Variants in RAPGEF1 observed in about 807,000 individuals in gnomAD.
RAPGEF1 encodes Rap guanine nucleotide exchange factor 1.
RAPGEF1 carries 33 observed loss-of-function variants against 143.3 expected under a neutral mutation model. That is an observed-to-expected ratio of 0.23 (90% CI 0.17 to 0.31). RAPGEF1 has a LOEUF of 0.31. Ranked by LOEUF, RAPGEF1 falls within the 10% of genes least tolerant of loss-of-function variation. The pLI is 1.00. For synonymous variants in RAPGEF1, 629 were observed against 676.5 expected (o/e 0.93, Z 1.09); for missense variants, 1,199 against 1,645.4 (o/e 0.73, Z 4.69).
chr9:131,670,761 T>A (rs1479231187), intron 1 of RAPGEF1, among the ~76,000 whole-genome samples: 1 of 152,212 alleles, frequency 6.6e-6, no homozygotes, highest in East Asian at 1.9e-4. Context: ...ACACTATTTT[T>A]AAACAACCCC....
chr9:131,642,660 C>G (rs998089725), intron 4 of RAPGEF1, among the ~76,000 whole-genome samples: 4 of 152,210 alleles, frequency 2.6e-5, no homozygotes, highest in Admixed American at 6.5e-5. Flanking sequence ...TCCCTTCTCT[C>G]TCTCCCAGCT....
intron 1 of RAPGEF1, among the ~76,000 whole-genome samples, chr9:131,699,732 C>A (rs948657423): frequency 6.6e-6 from 1 of 152,176 alleles, no homozygotes; most frequent in African/African-American, 2.4e-5. Flanking sequence ...CCCCTACCTT[C>A]CTGGAAGGTC....
At chr9:131,726,240 A>C (rs1412857788) in intron 1 of RAPGEF1, among the ~76,000 whole-genome samples, 2 of 152,184 alleles carry the variant, frequency 1.3e-5, no homozygotes, top group Non-Finnish European at 2.9e-5. Flanking sequence ...ACGAGTCTCA[A>C]AGTCAGTACA....
intron 1 of RAPGEF1, among the ~76,000 whole-genome samples, chr9:131,654,338 C>A (rs777355585): frequency 4.6e-5 from 7 of 152,192 alleles, no homozygotes; most frequent in Non-Finnish European, 8.8e-5. Context: ...AGTCTTCCTT[C>A]ATCTCAGCAT....
Position 131,716,665 on chromosome 9 carries a change from C to CG in RAPGEF1, c.61+23104dup, listed in dbSNP as rs1564197348. On this transcript the variant is annotated intron_variant, in intron 1 of 26. Coordinates refer to ENST00000683357, the MANE Select transcript of RAPGEF1 (RefSeq NM_001377935.1). ...ATGTGTGTCTGTAGTCACAGCTACT[C>CG]GGGGGGCTGAGGTGAGAGAATGGCT... is the stretch of plus-strand genomic sequence containing the variant. Among the ~76,000 whole-genome samples, 5 of 152,214 alleles carry CG rather than the reference C, an allele frequency of 3.3e-5. No individual in the cohort carries two copies. The South Asian group carries it at 6.2e-4, about 19-fold the overall frequency.
chr9:131,599,399 G>T (rs570677556), intron 15 of RAPGEF1, among the ~76,000 whole-genome samples: 133 of 150,136 alleles, frequency 8.9e-4, no homozygotes, highest in Non-Finnish European at 1.7e-3. Flanking sequence ...AAGATTATAA[G>T]CATGAGCCAC....
chr9:131,651,073 G>T (rs1465990301), intron 1 of RAPGEF1, 124 bp from the exon 2 acceptor site: 2 of 1,230,538 alleles, frequency 1.6e-6, no homozygotes, highest in Non-Finnish European at 2.2e-6. Flanking sequence ...AGAGTTTCAA[G>T]GGAAAGGACG....
At chr9:131,600,287 C>G (rs1956055599) in intron 15 of RAPGEF1, among the ~76,000 whole-genome samples, 2 of 152,222 alleles carry the variant, frequency 1.3e-5, no homozygotes, top group South Asian at 4.1e-4. Context: ...AAGTGTTCAT[C>G]CTTCTCTTTC....
At chr9:131,624,908 G>C (rs1457907752) in intron 10 of RAPGEF1, among the ~76,000 whole-genome samples, 1 of 152,248 alleles carries the variant, frequency 6.6e-6, no homozygotes, top group Admixed American at 6.5e-5. Context: ...AGGAGCTGGG[G>C]ATACATGACA....
chr9:131,675,488 C>G lies in RAPGEF1; in HGVS notation c.62-24539G>C, dbSNP rs1223727113. Among the ~76,000 whole-genome samples, 1 of 152,236 alleles carries G rather than the reference C, an allele frequency of 6.6e-6. No homozygotes were observed. The highest frequency in any genetic ancestry group is 1.5e-5 in the Non-Finnish European group (1 of 68,034). On this transcript the variant is annotated intron_variant, in intron 1 of 26. Transcript: ENST00000683357. The surrounding 1 kb of genome is among the most constrained non-coding windows in gnomAD (Gnocchi z 4.6). ...AAATCTAAAAATGGTCCCCAACAGG[C>G]TGAGAAGCCAAACACCCACAAGCCA...
chr9:131,705,794 C>T (rs1835008298), intron 1 of RAPGEF1, among the ~76,000 whole-genome samples: 1 of 152,186 alleles, frequency 6.6e-6, no homozygotes, highest in African/African-American at 2.4e-5. Context: ...GCTTCTCTAG[C>T]AGGCATCAAA....
intron 24 of RAPGEF1, among the ~76,000 whole-genome samples, 170 bp from the exon 25 acceptor site, chr9:131,582,872 C>T (rs1952087090): frequency 6.6e-6 from 1 of 152,192 alleles, no homozygotes; most frequent in Non-Finnish European, 1.5e-5. Flanking sequence ...TGGCCCTGGC[C>T]AGCAGGGATT....
chr9:131,636,892 C>T (rs892949480), intron 5 of RAPGEF1, among the ~76,000 whole-genome samples: 3 of 152,154 alleles, frequency 2.0e-5, no homozygotes, highest in Admixed American at 6.5e-5. Flanking sequence ...CCTTGAGTCT[C>T]GCTGCCCTAA....
At position 131,725,906 on chromosome 9, in the gene RAPGEF1, G is replaced by A. The variant is rs532674535; in HGVS notation, c.61+13864C>T. Among the ~76,000 whole-genome samples, 105 of 151,772 alleles carry A rather than the reference G, an allele frequency of 6.9e-4. 2 individuals are homozygous for A. Among genetic ancestry groups the A allele is most frequent in the East Asian group, 1.8e-3 (9 of 5,138 alleles). ...CCCGAGTAGCTGGGACTACAGGCGC[G>A]TGCCACCATGCCCAGCTAATTTTTT... is the stretch of plus-strand genomic sequence containing the variant. On this transcript the variant is annotated intron_variant, in intron 1 of 26. Transcript: ENST00000683357.
intron 4 of RAPGEF1, among the ~76,000 whole-genome samples, chr9:131,640,225 G>C (rs187316356): frequency 6.6e-6 from 1 of 152,242 alleles, no homozygotes; most frequent in Admixed American, 6.5e-5. Context: ...GGCTGGGCTG[G>C]ACCTCGCTCT....
intron 15 of RAPGEF1, among the ~76,000 whole-genome samples, chr9:131,600,949 A>T (rs1307169542): frequency 6.6e-6 from 1 of 152,074 alleles, no homozygotes; most frequent in African/African-American, 2.4e-5. Flanking sequence ...AGGTCGGGAG[A>T]TTGAGACCAT....
intron 12 of RAPGEF1, among the ~76,000 whole-genome samples, chr9:131,616,442 G>A (rs1180671502): frequency 2.6e-5 from 4 of 152,084 alleles, no homozygotes; most frequent in Admixed American, 1.3e-4. Flanking sequence ...TTTGCAACCC[G>A]GCCTGGAAAA....
rs528970522 is a variant in RAPGEF1 at position 131,730,213 on chromosome 9, A to G, written c.61+9557T>C. On this transcript the variant is annotated intron_variant, in intron 1 of 26. Transcript: ENST00000683357. The stretch of plus-strand genomic sequence containing the variant: ...CCTCTCAAAAAAAAAAAAAAAAAAA[A>G]AAAGAAACAAATTAACAAAGCCCAA... 1.7e-4 allele frequency among the ~76,000 whole-genome samples: 25 copies of G among 151,326 alleles called. No individual in the cohort carries two copies. The South Asian group carries it at 3.5e-3, about 21-fold the overall frequency.
chr9:131,619,094 G>C lies in RAPGEF1; in HGVS notation c.2018C>G (p.Ser673Cys). ...GCCGTGCCGGCTGAGAAAGGAGTTAGAGACGGACACACTGAGGCCCTGAGC... is the reference window on the plus strand; with the variant it reads ...GCCGTGCCGGCTGAGAAAGGAGTTACAGACGGACACACTGAGGCCCTGAGC... Reference protein sequence around the residue: ...SAAQGLSVSVSNSFLSRHGSL... With the variant: ...SAAQGLSVSVCNSFLSRHGSL... Residue 673 changes from serine to cysteine, a missense_variant, in exon 12 of 27, where the codon TCT becomes TGT. Coordinates refer to ENST00000683357, the MANE Select transcript of RAPGEF1 (RefSeq NM_001377935.1). 7.4e-7 allele frequency: 1 copy of C among 1,355,838 alleles called. No homozygotes were observed. The highest frequency in any genetic ancestry group is 1.2e-5 in the South Asian group (1 of 85,608). 84.0% of individuals were successfully genotyped at this position (1,355,838 alleles called of 1,614,324 possible). A position where few individuals can be genotyped will look rare whatever the true frequency, so the allele number is the denominator to read the frequency against.
Sources: allele counts gnomAD v4.1 joint callset (sites outside exome capture counted in the v4.1 genomes callset), GRCh38; gene constraint gnomAD v4.1.1; non-coding constraint Gnocchi (gnomAD v3.1); transcripts MANE v1.5; gene names NCBI Gene and HGNC (gene_info 2026-07-23, HGNC 2026-07-21).